Variants in ZCWPW2 observed in about 807,000 individuals in gnomAD.
The protein encoded by ZCWPW2 is zinc finger CW-type PWWP domain protein 2.
Under a neutral mutation model 46.6 loss-of-function variants are expected in ZCWPW2, and 45 were observed. The ratio of observed to expected loss-of-function variants is 0.96; its 90% CI spans 0.76 to 1.24. ZCWPW2 has a LOEUF of 1.24. ZCWPW2 is among the 50% of genes most tolerant of loss of function. The pLI, the probability that ZCWPW2 is intolerant of heterozygous loss-of-function variation, is 0.00. For synonymous variants in ZCWPW2, 152 were observed against 137.1 expected (o/e 1.11, Z -0.76); for missense variants, 429 against 403.9 (o/e 1.06, Z -0.53).
chr3:28,428,465 G>A (rs571268230), intron 3 of ZCWPW2: 30 of 152,296 alleles, frequency 2.0e-4, no homozygotes, highest in African/African-American at 7.2e-4. Flanking sequence ...CACCATCTCT[G>A]TTGACCGTGC....
rs1180943738 is a variant in ZCWPW2 at position 28,519,990 on chromosome 3, A to AT, written c.785-989dup. On this transcript the variant is annotated intron_variant, in intron 8 of 9. Coordinates refer to ENST00000383768, the MANE Select transcript of ZCWPW2 (RefSeq NM_001040432.4). ...CTCAGCAAGGTCAATGAATTACCAG[A>AT]TTTTTTTTTTTTTGCCTATTTTTTT... is the stretch of plus-strand genomic sequence containing the variant. Among the ~76,000 whole-genome samples, 345 of 139,550 alleles carry AT rather than the reference A, an allele frequency of 2.5e-3. 1 individual carries two copies. Among genetic ancestry groups the AT allele is most frequent in the Middle Eastern group, 7.2e-3 (2 of 276 alleles). The allele number at this position is 139,550 out of a possible 152,430, so 91.6% of individuals were successfully genotyped here.
At chr3:28,420,993 A>G (rs1696759119) in intron 3 of ZCWPW2, among the ~76,000 whole-genome samples, 1 of 151,966 alleles carries the variant, frequency 6.6e-6, no homozygotes, top group African/African-American at 2.4e-5. Context: ...GGTTCTTTAT[A>G]TTTCCTATTT....
intron 1 of ZCWPW2, among the ~76,000 whole-genome samples, chr3:28,386,720 A>T (rs1208484093): frequency 6.6e-6 from 1 of 152,206 alleles, no homozygotes; most frequent in Non-Finnish European, 1.5e-5. Context: ...TTATATGATT[A>T]TAGATATTCT....
chr3:28,408,326 A>G (rs1398324118), intron 2 of ZCWPW2, among the ~76,000 whole-genome samples: 1 of 152,174 alleles, frequency 6.6e-6, no homozygotes, highest in Non-Finnish European at 1.5e-5. Context: ...TCCCCTTTAT[A>G]GCAACCCATT....
Position 28,353,154 on chromosome 3 carries a change from G to A in ZCWPW2, c.-134+3951G>A, listed in dbSNP as rs144691158. ...AACTGAGATTGCACCACTGCACTCCGGCCTGGGTGACAGACCAAGACTCCG... is the reference window on the plus strand; with the variant it reads ...AACTGAGATTGCACCACTGCACTCCAGCCTGGGTGACAGACCAAGACTCCG... On this transcript the variant is annotated intron_variant, in intron 1 of 9. Transcript: ENST00000383768. Among the ~76,000 whole-genome samples the A allele has an allele frequency of 2.6e-3, 400 of 151,772 alleles. 1 individual carries two copies. Among genetic ancestry groups the A allele is most frequent in the African/African-American group, 8.5e-3 (351 of 41,378 alleles).
At chr3:28,409,250 G>C (rs1414493932) in intron 2 of ZCWPW2, among the ~76,000 whole-genome samples, 1 of 150,076 alleles carries the variant, frequency 6.7e-6, no homozygotes, top group Non-Finnish European at 1.5e-5. Flanking sequence ...CTTGCAAGTA[G>C]CTGGGATTAC....
At chr3:28,447,917 T>C in intron 4 of ZCWPW2, 10 of 796,966 alleles carry the variant, frequency 1.3e-5, no homozygotes, top group South Asian at 1.1e-4. Context: ...AAAGTTCTTA[T>C]GAGATTGTCC....
At chr3:28,459,086 C>A (rs900485601) in intron 4 of ZCWPW2, among the ~76,000 whole-genome samples, 2 of 152,074 alleles carry the variant, frequency 1.3e-5, no homozygotes, top group Non-Finnish European at 1.5e-5. Context: ...AATACCTATT[C>A]TTGGCCAGGC....
At chr3:28,475,648 T>G (rs1699212713) in intron 4 of ZCWPW2, among the ~76,000 whole-genome samples, 1 of 152,160 alleles carries the variant, frequency 6.6e-6, no homozygotes, top group Admixed American at 6.5e-5. Context: ...TCTTCATCGT[T>G]TAGACTCAGC....
chr3:28,351,841 G>T (rs1306478541), intron 1 of ZCWPW2, among the ~76,000 whole-genome samples: 1 of 151,922 alleles, frequency 6.6e-6, no homozygotes, highest in Non-Finnish European at 1.5e-5. Flanking sequence ...AATTGAAATG[G>T]CAGTGTCTGT....
chr3:28,412,382 A>T (rs1038027759), intron 2 of ZCWPW2, among the ~76,000 whole-genome samples: 2 of 152,052 alleles, frequency 1.3e-5, no homozygotes, highest in Non-Finnish European at 2.9e-5. Context: ...TTTAATTTTT[A>T]AAAATCTTGC....
chr3:28,407,182 C>A (rs1696198875), intron 2 of ZCWPW2, among the ~76,000 whole-genome samples: 1 of 152,190 alleles, frequency 6.6e-6, no homozygotes, highest in African/African-American at 2.4e-5. Flanking sequence ...AACTACTTAT[C>A]TTTTCAGGTT....
At chr3:28,371,759 T>G (rs1705340718) in intron 1 of ZCWPW2, among the ~76,000 whole-genome samples, 1 of 151,982 alleles carries the variant, frequency 6.6e-6, no homozygotes, top group Admixed American at 6.6e-5. Context: ...TTGCTAAGAC[T>G]GGGCTGCAGA....
At chr3:28,357,129 T>C (rs370846584) in intron 1 of ZCWPW2, among the ~76,000 whole-genome samples, 12 of 152,178 alleles carry the variant, frequency 7.9e-5, no homozygotes, top group African/African-American at 2.7e-4. Context: ...TAATTCTGTT[T>C]TGAGGCTTTC....
chr3:28,524,500 C>T, intron 9 of ZCWPW2, 27 bp from the exon 10 acceptor site: 2 of 1,593,662 alleles, frequency 1.3e-6, no homozygotes, highest in Non-Finnish European at 1.7e-6. Context: ...TGACATAGTT[C>T]CGATTAATTA....
intron 1 of ZCWPW2, among the ~76,000 whole-genome samples, chr3:28,365,107 C>G (rs995957968): frequency 2.6e-5 from 4 of 151,386 alleles, no homozygotes; most frequent in African/African-American, 9.7e-5. Flanking sequence ...TGCCTGTTCA[C>G]TCTGATGGTA....
At chr3:28,487,284 A>G (rs1699634590) in intron 5 of ZCWPW2, among the ~76,000 whole-genome samples, 1 of 151,628 alleles carries the variant, frequency 6.6e-6, no homozygotes, top group African/African-American at 2.4e-5. Context: ...ATATTCTGTT[A>G]TATTATTTTT....
chr3:28,397,606 G>A (rs1175662177), intron 2 of ZCWPW2, among the ~76,000 whole-genome samples: 1 of 152,142 alleles, frequency 6.6e-6, no homozygotes, highest in East Asian at 1.9e-4. Context: ...AGAGGCAGAG[G>A]TTTCGGTGAG....
rs71087698 is a variant in ZCWPW2 at position 28,436,323 on chromosome 3, C to CTTT, written c.492+1070_492+1072dup. Among the ~76,000 whole-genome samples the CTTT allele has an allele frequency of 2.8e-3, 330 of 116,796 alleles. 3 individuals carry two copies. Among genetic ancestry groups the CTTT allele is most frequent in the East Asian group, 4.7e-3 (20 of 4,240 alleles). The allele number at this position is 116,796 out of a possible 152,430, so 76.6% of individuals were successfully genotyped here. ...TCAATTTGAATATTTTCTTTTTTTT[C>CTTT]TTTTTTTTTTTTTTTTTTGTGATGG... On this transcript the variant is annotated intron_variant, in intron 4 of 9. Transcript: ENST00000383768.
Sources: gnomAD v4.1 joint callset for allele counts (sites outside exome capture counted in the v4.1 genomes callset) on GRCh38, gnomAD v4.1.1 for gene constraint, MANE v1.5 for transcripts, NCBI Gene and HGNC (gene_info 2026-07-23, HGNC 2026-07-21) for gene names.